The following ADAMTSL3 variants were observed in gnomAD, a reference collection of about 807,000 sequenced individuals.
ADAMTSL3 encodes ADAMTS-like protein 3.
ADAMTSL3 carries 128 observed loss-of-function variants against 201.7 expected under a neutral mutation model. The observed-to-expected ratio is 0.63, with a 90% CI of 0.55 to 0.73. ADAMTSL3 has a LOEUF of 0.73. Ranked by LOEUF, ADAMTSL3 falls within the 30% of genes least tolerant of loss-of-function variation. The pLI is 0.00. For missense variants in ADAMTSL3, 1,990 were observed against 2,119.6 expected (o/e 0.94, Z 1.20); for synonymous variants, 738 against 748.4 (o/e 0.99, Z 0.23).
chr15:83,665,346 G>C (rs2061235225), intron 2 of ADAMTSL3, among the ~76,000 whole-genome samples: 1 of 152,140 alleles, frequency 6.6e-6, no homozygotes, highest in African/African-American at 2.4e-5. Flanking sequence ...GGACTACATG[G>C]AGTCTCACCT....
chr15:83,903,252 T>G (rs942565546), intron 15 of ADAMTSL3, among the ~76,000 whole-genome samples: 3 of 151,188 alleles, frequency 2.0e-5, no homozygotes, highest in Non-Finnish European at 4.4e-5. Context: ...CTTTTTTTTT[T>G]TTTTTATCAT....
chr15:83,710,042 G>T (rs1402299995), intron 3 of ADAMTSL3, among the ~76,000 whole-genome samples: 1 of 152,080 alleles, frequency 6.6e-6, no homozygotes, highest in Non-Finnish European at 1.5e-5. Context: ...GCACCAAAAG[G>T]CAGGAAAAAA....
At chr15:83,867,657 AC>A (rs2065005049) in intron 8 of ADAMTSL3, among the ~76,000 whole-genome samples, 1 of 152,224 alleles carries the variant, frequency 6.6e-6, no homozygotes, top group Non-Finnish European at 1.5e-5. Context: ...CTATAGAAAT[AC>A]AGCTCTACTG....
intron 23 of ADAMTSL3, among the ~76,000 whole-genome samples, chr15:84,000,582 G>A (rs1045711851): frequency 2.6e-5 from 4 of 152,158 alleles, no homozygotes; most frequent in Non-Finnish European, 5.9e-5. Context: ...CAGCTATATA[G>A]ACAAAGGAAT....
At chr15:83,893,234 T>G (rs1283408704) in intron 13 of ADAMTSL3, among the ~76,000 whole-genome samples, 1 of 152,256 alleles carries the variant, frequency 6.6e-6, no homozygotes, top group East Asian at 1.9e-4. Flanking sequence ...CTAATCCATC[T>G]TTGAATAATT....
chr15:83,895,295 C>G (rs1030528993), intron 13 of ADAMTSL3, among the ~76,000 whole-genome samples: 6 of 152,130 alleles, frequency 3.9e-5, no homozygotes, highest in Non-Finnish European at 7.4e-5. Context: ...ACATTAGGGA[C>G]TTTCACTTTT....
intron 20 of ADAMTSL3, among the ~76,000 whole-genome samples, chr15:83,979,628 A>G (rs190671636): frequency 3.3e-5 from 5 of 152,324 alleles, no homozygotes; most frequent in African/African-American, 4.8e-5. Flanking sequence ...AACCTTGCCA[A>G]TTGCAGTTTA....
intron 25 of ADAMTSL3, among the ~76,000 whole-genome samples, chr15:84,018,569 A>T (rs2068131814): frequency 6.6e-6 from 1 of 152,230 alleles, no homozygotes; most frequent in East Asian, 1.9e-4. Flanking sequence ...CTAAAGGATG[A>T]GGTGAAACCA....
chr15:83,891,579 C>T lies in ADAMTSL3; in HGVS notation c.1262+200C>T, dbSNP rs541918283. On this transcript the variant is annotated intron_variant, in intron 12 of 29. Coordinates refer to ENST00000286744, the MANE Select transcript of ADAMTSL3 (RefSeq NM_207517.3). ...TAGACTGCCTCAAAAGATGATGTTT[C>T]CCATCGCTAGAGCTGTCAAGCATAT... is the stretch of plus-strand genomic sequence containing the variant. 2.2e-4 allele frequency among the ~76,000 whole-genome samples: 34 copies of T among 152,284 alleles called. No individual in the cohort carries two copies. In the Middle Eastern group the frequency reaches 0.014, roughly 61 times the overall value.
At chr15:83,773,904 C>CT (rs1038131698) in intron 4 of ADAMTSL3, among the ~76,000 whole-genome samples, 1 of 152,170 alleles carries the variant, frequency 6.6e-6, no homozygotes, top group African/African-American at 2.4e-5. Flanking sequence ...AATCCTGGCA[C>CT]TTTAAGTCAC....
At chr15:83,745,223 C>G (rs1168066368) in intron 3 of ADAMTSL3, among the ~76,000 whole-genome samples, 3 of 152,192 alleles carry the variant, frequency 2.0e-5, no homozygotes, top group Admixed American at 2.0e-4. Context: ...AGCTCCCTTT[C>G]CTGATGAGAG....
rs184021117 is a variant in ADAMTSL3, at chr15:83,825,366, T to A, written c.600+5319T>A. ...TGGCTTCTGCCTATAATCACAACAC[T>A]TTGGGAGGCCAAGACAGGAGAGTTC... is the stretch of plus-strand genomic sequence containing the variant. On this transcript the variant is annotated intron_variant, in intron 6 of 29. Transcript: ENST00000286744. Among the ~76,000 whole-genome samples the A allele has an allele frequency of 1.1e-4, 17 of 152,322 alleles. No homozygotes were observed. The East Asian group carries it at 2.1e-3, about 19-fold the overall frequency.
intron 8 of ADAMTSL3, among the ~76,000 whole-genome samples, chr15:83,866,665 C>T (rs141819643): frequency 5.3e-5 from 8 of 152,088 alleles, no homozygotes; most frequent in East Asian, 1.9e-4. Context: ...TGTTAAATGA[C>T]GAGTTAATGT....
chr15:83,696,240 T>A (rs1298735469), intron 2 of ADAMTSL3, among the ~76,000 whole-genome samples: 1 of 152,186 alleles, frequency 6.6e-6, no homozygotes, highest in Non-Finnish European at 1.5e-5. Flanking sequence ...TGGCCGATCT[T>A]GGTTTGTCAC....
In ADAMTSL3 at chr15:84,016,434, A is replaced by G. The variant is rs758145162; in HGVS notation, c.4208A>G (p.Tyr1403Cys). The G allele has an allele frequency of 1.2e-6, 2 of 1,614,118 alleles. No homozygotes were observed. Among genetic ancestry groups the G allele is most frequent in the Non-Finnish European group, 1.7e-6 (2 of 1,179,994 alleles). Residue 1403 changes from tyrosine to cysteine, a missense_variant, in exon 25 of 30, where the codon TAC becomes TGC. Tyr to Cys is a radical substitution (Grantham distance 194). Transcript: ENST00000286744. ...GTATTTCTGCAAGGACATAAAAAGT[A>G]CATTCTCCAGGCAACCAACACTAGA... ...RIVFLQGHKK[Y>C]ILQATNTRTN... is the part of the protein sequence containing the mutation.
intron 19 of ADAMTSL3, among the ~76,000 whole-genome samples, chr15:83,969,199 A>T (rs1038732338): frequency 6.6e-6 from 1 of 152,142 alleles, no homozygotes; most frequent in South Asian, 2.1e-4. Flanking sequence ...TAATCCCAGC[A>T]CTTTGGGAGG....
chr15:83,775,979 A>G (rs1454025625), intron 4 of ADAMTSL3, among the ~76,000 whole-genome samples: 1 of 152,184 alleles, frequency 6.6e-6, no homozygotes, highest in Non-Finnish European at 1.5e-5. Flanking sequence ...GGAAACCCTC[A>G]CGTAAACTTT....
chr15:83,845,958 C>T (rs75498933), intron 7 of ADAMTSL3, among the ~76,000 whole-genome samples: 4,943 of 152,260 alleles, frequency 0.032, 274 homozygotes, highest in African/African-American at 0.11. Context: ...ACCTGGCACC[C>T]AGTATGTTTC....
Position 83,829,738 on chromosome 15 carries a change from A to G in ADAMTSL3, c.601-8351A>G, listed in dbSNP as rs569718441. On this transcript the variant is annotated intron_variant, in intron 6 of 29. Coordinates refer to ENST00000286744, the MANE Select transcript of ADAMTSL3 (RefSeq NM_207517.3). ...TCTGGTATGTTGTGTCTTTGTTCTC[A>G]TAGGTTTCAAAGAACATCTTTATTT... 4.6e-5 allele frequency among the ~76,000 whole-genome samples: 7 copies of G among 151,588 alleles called. No individual in the cohort carries two copies. The South Asian group carries it at 8.3e-4, about 18-fold the overall frequency.
Sources: allele counts gnomAD v4.1 joint callset (sites outside exome capture counted in the v4.1 genomes callset), GRCh38; gene constraint gnomAD v4.1.1; transcripts MANE v1.5; gene names NCBI Gene and HGNC (gene_info 2026-07-23, HGNC 2026-07-21).